Variants in PCDHGB4 observed in about 807,000 individuals in gnomAD.
PCDHGB4 encodes protocadherin gamma-B4.
PCDHGB4 carries 38 observed loss-of-function variants against 60.5 expected under a neutral mutation model. The ratio of observed to expected loss-of-function variants is 0.63; its 90% confidence interval spans 0.48 to 0.82. The LOEUF is 0.82. Among genes scored for constraint, PCDHGB4 ranks in the 40% least tolerant of loss-of-function variants. PCDHGB4 has a pLI of 0.00. For missense variants in PCDHGB4, 1,109 were observed against 1,209.6 expected (o/e 0.92, Z 1.23); for synonymous variants, 456 against 509.7 (o/e 0.89, Z 1.42).
chr5:141,500,345 A>G (rs1459262760), intron 2 of PCDHGB4, among the ~76,000 whole-genome samples: 3 of 151,916 alleles, frequency 2.0e-5, no homozygotes, highest in Non-Finnish European at 4.4e-5. Context: ...AATAGCTGGG[A>G]CTACAGGCGC....
Position 141,394,244 on chromosome 5 carries a change from C to G in PCDHGB4, c.2397+3963C>G, listed in dbSNP as rs371631729. Reference sequence around the variant, plus strand: ...CCTCCATCTTTTCCTTGACTGCACACGACCCCGACAGCCAGGAGAATGCCC... The same window carrying G: ...CCTCCATCTTTTCCTTGACTGCACAGGACCCCGACAGCCAGGAGAATGCCC... On this transcript the variant is annotated intron_variant, in intron 1 of 3. Coordinates refer to ENST00000519479, the MANE Select transcript of PCDHGB4 (RefSeq NM_003736.4). The G allele has an allele frequency of 1.2e-5, 19 of 1,613,820 alleles. No homozygotes were observed. Among genetic ancestry groups the G allele is most frequent in the Middle Eastern group, 1.6e-4 (1 of 6,084 alleles).
At chr5:141,464,411 A>G (rs1029342220) in intron 1 of PCDHGB4, among the ~76,000 whole-genome samples, 3 of 151,624 alleles carry the variant, frequency 2.0e-5, no homozygotes, top group Admixed American at 6.6e-5. Flanking sequence ...AGATATATAT[A>G]TATCTATATA....
chr5:141,447,123 TTTTG>T (rs1327676720), intron 1 of PCDHGB4, among the ~76,000 whole-genome samples: 7 of 152,278 alleles, frequency 4.6e-5, no homozygotes, highest in African/African-American at 1.4e-4. Context: ...CCATGGATTT[TTTTG>T]TTTGTTTGTT....
At position 141,388,917 on chromosome 5, in the gene PCDHGB4, G is replaced by C; in HGVS notation, c.1033G>C (p.Val345Leu). 1 of 1,614,026 alleles carries C rather than the reference G, an allele frequency of 6.2e-7. No homozygotes were observed. Residue 345 changes from valine to leucine, a missense_variant, in exon 1 of 4, where the codon GTG (valine) becomes CTG (leucine). Physicochemically the swap from Val to Leu is conservative, Grantham distance 32. This residue lies in a region of PCDHGB4 where 1,068 missense variants were observed against 1,089.9 expected (regional missense o/e 0.98). Coordinates refer to ENST00000519479, the MANE Select transcript of PCDHGB4 (RefSeq NM_003736.4). The stretch of plus-strand genomic sequence containing the variant: ...AGATGAAAATGACAACGCCCCAGAA[G>C]TGATATTCCAGTCTCTACCCAACCT... ...VIDENDNAPEVIFQSLPNLIM... is the reference protein window; with the variant it reads ...VIDENDNAPELIFQSLPNLIM...
intron 1 of PCDHGB4, among the ~76,000 whole-genome samples, chr5:141,448,581 T>A (rs570781751): frequency 2.0e-5 from 3 of 152,274 alleles, no homozygotes; most frequent in African/African-American, 7.2e-5. Context: ...CCATTTTTTT[T>A]ACAAAAAGAT....
Position 141,487,298 on chromosome 5 carries a change from G to T in PCDHGB4, c.2398-7509G>T. 6.2e-7 allele frequency: 1 copy of T among 1,614,072 alleles called. No individual in the cohort carries two copies. Among genetic ancestry groups the T allele is most frequent in the Non-Finnish European group, 8.5e-7 (1 of 1,180,018 alleles). ...TTGCTTTGTCTCCTTTGGCTCATTC[G>T]TGGCACTACTCTCTAAGTGTCTTCG... On this transcript the variant is annotated intron_variant, in intron 1 of 3. Coordinates refer to ENST00000519479, the MANE Select transcript of PCDHGB4 (RefSeq NM_003736.4). This position sits in a 1 kb window ranked among gnomAD's most constrained non-coding sequence, Gnocchi z 5.0.
Position 141,432,205 on chromosome 5 carries a change from A to G in PCDHGB4, c.2397+41924A>G, listed in dbSNP as rs764567227. 1 of 1,614,180 alleles carries G rather than the reference A, an allele frequency of 6.2e-7. No individual in the cohort carries two copies. Among genetic ancestry groups the G allele is most frequent in the South Asian group, 1.1e-5 (1 of 91,074 alleles). On this transcript the variant is annotated intron_variant, in intron 1 of 3. Transcript: ENST00000519479. This position sits in a 1 kb window ranked among gnomAD's most constrained non-coding sequence, Gnocchi z 6.0. The stretch of plus-strand genomic sequence containing the variant: ...TGACCGCCCACGACCCCGACTGTGA[A>G]GAGAACGCCCAGATCACTTATTCCC...
Position 141,432,016 on chromosome 5 carries a change from C to T in PCDHGB4, c.2397+41735C>T, listed in dbSNP as rs771650925. The T allele has an allele frequency of 1.2e-6, 2 of 1,614,202 alleles. No homozygotes were observed. The highest frequency in any genetic ancestry group is 3.3e-5 in the Admixed American group (2 of 60,030). On this transcript the variant is annotated intron_variant, in intron 1 of 3. Coordinates refer to ENST00000519479, the MANE Select transcript of PCDHGB4 (RefSeq NM_003736.4). This position sits in a 1 kb window ranked among gnomAD's most constrained non-coding sequence, Gnocchi z 6.0. ...ATAGGGAACAGGTTCCTAGCTACAA[C>T]ATCACAGTGACCGCCACTGACCGGG...
intron 1 of PCDHGB4, among the ~76,000 whole-genome samples, chr5:141,459,176 T>C (rs2098962762): frequency 6.6e-6 from 1 of 152,210 alleles, no homozygotes. Context: ...CTTCAAAAGT[T>C]CCCTCATGCC....
chr5:141,408,738 C>T, intron 1 of PCDHGB4: 2 of 1,609,632 alleles, frequency 1.2e-6, no homozygotes, highest in Non-Finnish European at 1.7e-6. Flanking sequence ...CCTTATTTTT[C>T]ATTAATGGTT....
intron 1 of PCDHGB4, chr5:141,421,255 C>A (rs759899934): frequency 1.9e-6 from 3 of 1,607,644 alleles, no homozygotes; most frequent in Non-Finnish European, 2.5e-6. Context: ...GCGCGGGGAC[C>A]GCAGTCGGCT....
intron 1 of PCDHGB4, chr5:141,423,760 G>GGT: frequency 7.2e-6 from 2 of 279,662 alleles, no homozygotes; most frequent in Non-Finnish European, 1.1e-5. Context: ...TGGGGGGGGG[G>GGT]TGGGGCGGCA....
Position 141,476,570 on chromosome 5 carries a change from A to G in PCDHGB4, c.2398-18237A>G. ...GATTAGCGAGGCCGTGGCTCCGGGG[A>G]CGCGCTTTCCGCTCGAGAGCGCGCA... On this transcript the variant is annotated intron_variant, in intron 1 of 3. Transcript: ENST00000519479. The surrounding 1 kb of genome is among the most constrained non-coding windows in gnomAD (Gnocchi z 7.6). 3 of 1,614,114 alleles carry G rather than the reference A, an allele frequency of 1.9e-6. No individual in the cohort carries two copies. The highest frequency in any genetic ancestry group is 2.5e-6 in the Non-Finnish European group (3 of 1,180,012).
At position 141,512,574 on chromosome 5, in the gene PCDHGB4, C is replaced by T. The variant is rs1429371202; in HGVS notation, c.*1401C>T. 6.5e-6 allele frequency: 1 copy of T among 152,884 alleles called. No homozygotes were observed. Among genetic ancestry groups the T allele is most frequent in the Non-Finnish European group, 1.5e-5 (1 of 68,502 alleles). The allele number at this position is 152,884 out of a possible 1,614,324, so 9.5% of individuals were successfully genotyped here. On this transcript the variant is annotated 3_prime_UTR_variant, in exon 4 of 4. Coordinates refer to ENST00000519479, the MANE Select transcript of PCDHGB4 (RefSeq NM_003736.4). ...GTGCATAGACCTTCTTCTCCCACCCCCTTCTGCCCCTGGGTCCCCGGCCAT... is the reference window on the plus strand; with the variant it reads ...GTGCATAGACCTTCTTCTCCCACCCTCTTCTGCCCCTGGGTCCCCGGCCAT...
Position 141,511,380 on chromosome 5 carries a change from C to T in PCDHGB4, c.*207C>T, listed in dbSNP as rs896762148. 1.5e-5 allele frequency: 18 copies of T among 1,170,372 alleles called. No homozygotes were observed. The highest frequency in any genetic ancestry group is 3.0e-4 in the Middle Eastern group (1 of 3,384). 72.5% of individuals were successfully genotyped at this position (1,170,372 alleles called of 1,614,324 possible). ...GGGGTTGAATATGCAAAAGCAGTTC[C>T]GCTGGGAACCCCCATCCAATCAACT... is the stretch of plus-strand genomic sequence containing the variant. On this transcript the variant is annotated 3_prime_UTR_variant, in exon 4 of 4. Coordinates refer to ENST00000519479, the MANE Select transcript of PCDHGB4 (RefSeq NM_003736.4).
chr5:141,388,060 A>G lies in PCDHGB4; in HGVS notation c.176A>G (p.Gln59Arg), dbSNP rs1429863107. 16 of 1,381,916 alleles carry G rather than the reference A, an allele frequency of 1.2e-5. No individual in the cohort carries two copies. The highest frequency in any genetic ancestry group is 2.5e-5 in the East Asian group (1 of 40,268). The allele number at this position is 1,381,916 out of a possible 1,614,324, so 85.6% of individuals were successfully genotyped here. ...NLATDLGFSV[Q>R]ELPTRKLRVS... Reference sequence around the variant, plus strand: ...GCCACGGACCTGGGGTTCAGCGTCCAGGAGTTACCGACTCGAAAACTGCGC... The same window carrying G: ...GCCACGGACCTGGGGTTCAGCGTCCGGGAGTTACCGACTCGAAAACTGCGC... The change falls in exon 1 of 4, where the codon CAG becomes CGG. Residue 59 changes from glutamine (Q) to arginine (R), a missense_variant. Transcript: ENST00000519479.
chr5:141,421,860 C>T (rs759779291), intron 1 of PCDHGB4: 1 of 1,613,750 alleles, frequency 6.2e-7, no homozygotes. Flanking sequence ...CTCACCTGCT[C>T]CTCCTCACAG....
chr5:141,387,741 G>A lies in PCDHGB4; in HGVS notation c.-144G>A. ...ACTCCCCAGCGCCAGCCTTTACACC[G>A]CTTCCTCCTCGGAAAAAGAAGAATT... On this transcript the variant is annotated 5_prime_UTR_variant, in exon 1 of 4. Transcript: ENST00000519479. 7 of 1,332,868 alleles carry A rather than the reference G, an allele frequency of 5.3e-6. No individual in the cohort carries two copies. The highest frequency in any genetic ancestry group is 6.1e-6 in the Non-Finnish European group (6 of 990,366). The allele number at this position is 1,332,868 out of a possible 1,614,324, so 82.6% of individuals were successfully genotyped here. A position where few individuals can be genotyped will look rare whatever the true frequency, so the allele number is the denominator to read the frequency against.
intron 1 of PCDHGB4, among the ~76,000 whole-genome samples, chr5:141,463,179 A>G (rs1261927835): frequency 6.6e-6 from 1 of 152,082 alleles, no homozygotes; most frequent in Non-Finnish European, 1.5e-5. Context: ...GTATGCTCAG[A>G]TTATTATTTA....
Sources: gnomAD v4.1 joint callset for allele counts (sites outside exome capture counted in the v4.1 genomes callset) on GRCh38, gnomAD v4.1.1 for gene constraint, gnomAD v4.1.1 regional missense constraint, Gnocchi (gnomAD v3.1) non-coding constraint, MANE v1.5 for transcripts, NCBI Gene and HGNC (gene_info 2026-07-23, HGNC 2026-07-21) for gene names.